The following IQSEC3 variants were observed in gnomAD, a reference collection of about 807,000 sequenced individuals.
The protein encoded by IQSEC3 is IQ motif and SEC7 domain-containing protein 3.
IQSEC3 carries 50 observed loss-of-function variants against 105.4 expected under a neutral mutation model. That is an observed-to-expected ratio of 0.47 (90% CI 0.38 to 0.60). The LOEUF is 0.60. Ranked by LOEUF, IQSEC3 falls within the 20% of genes least tolerant of loss-of-function variation. The probability of loss-of-function intolerance (pLI) is 0.00; values close to 1 mark genes in which losing one functional copy is unlikely to be tolerated. For missense variants in IQSEC3, 1,415 were observed against 1,630.0 expected (o/e 0.87, Z 2.27); for synonymous variants, 708 against 746.0 (o/e 0.95, Z 0.83).
chr12:78,585 T>C (rs1555069992), intron 1 of IQSEC3, among the ~76,000 whole-genome samples: 1 of 152,104 alleles, frequency 6.6e-6, no homozygotes, highest in African/African-American at 2.4e-5. Flanking sequence ...CGCATCACAG[T>C]CTTAGAATTC....
intron 2 of IQSEC3, among the ~76,000 whole-genome samples, chr12:107,085 G>C (rs782141114): frequency 2.0e-5 from 3 of 152,190 alleles, no homozygotes; most frequent in Non-Finnish European, 4.4e-5. Context: ...AGCTGCCTAT[G>C]AAGAAAGACT....
chr12:141,805 A>C, intron 5 of IQSEC3: 1 of 153,384 alleles, frequency 6.5e-6, no homozygotes, highest in Non-Finnish European at 1.5e-5. Context: ...CAACAAAATC[A>C]TGACCAAAGA....
chr12:165,885 T>C lies in IQSEC3; in HGVS notation c.2966T>C (p.Ile989Thr), dbSNP rs782586813. 4.3e-6 allele frequency: 7 copies of C among 1,613,904 alleles called. No homozygotes were observed. The highest frequency in any genetic ancestry group is 2.2e-5 in the East Asian group (1 of 44,890). The change falls in exon 11 of 14, where the codon ATA (isoleucine) becomes ACA (threonine). Residue 989 changes from isoleucine to threonine, a missense_variant. Ile to Thr is a moderately conservative substitution (Grantham distance 89, BLOSUM62 -1). Around this residue, in one of 6 missense-constraint regions of IQSEC3, gnomAD observed 419 missense variants for 436.2 expected, o/e 0.96. Transcript: ENST00000538872. ...GTGACGGAGCTGGAGCAGATCCGAA[T>C]AGAGTGTAAGGACACGGGCTCCCGA... ...AEVTELEQIR[I>T]EWELEKQQGT...
intron 6 of IQSEC3, among the ~76,000 whole-genome samples, 178 bp downstream of exon 6, chr12:157,325 C>T (rs904423402): frequency 3.3e-5 from 5 of 152,070 alleles, no homozygotes; most frequent in Admixed American, 1.3e-4. Context: ...GAAAAGGGAC[C>T]GACCCCTCGA....
At chr12:99,240 T>A (rs782573936) in intron 2 of IQSEC3, 26 bp downstream of exon 2, 91 of 1,590,916 alleles carry the variant, frequency 5.7e-5, no homozygotes, top group Non-Finnish European at 7.1e-5. Flanking sequence ...CTTCCTCCCT[T>A]CCGCATCCCC....
At position 138,987 on chromosome 12, in the gene IQSEC3, G is replaced by T. The variant is rs890435427; in HGVS notation, c.1624G>T (p.Ala542Ser). Residue 542 changes from alanine (A) to serine (S), a missense_variant, in exon 4 of 14, where the codon GCC becomes TCC. This residue lies in a region of IQSEC3 where 720 missense variants were observed against 633.0 expected (regional missense o/e 1.14). Transcript: ENST00000538872. The surrounding 1 kb of genome is among the most constrained non-coding windows in gnomAD (Gnocchi z 7.1). ...TGGGCGGGAGGCCCCGGAAGCCCCCGCCGTGGGCCGGGAGGACGCGTCAGC... is the reference window on the plus strand; with the variant it reads ...TGGGCGGGAGGCCCCGGAAGCCCCCTCCGTGGGCCGGGAGGACGCGTCAGC... The part of the protein sequence containing the change: ...TSGREAPEAP[A>S]VGREDASAED... 6.5e-7 allele frequency: 1 copy of T among 1,536,178 alleles called. No individual in the cohort carries two copies. Among genetic ancestry groups the T allele is most frequent in the Non-Finnish European group, 8.8e-7 (1 of 1,141,416 alleles).
intron 2 of IQSEC3, among the ~76,000 whole-genome samples, chr12:125,077 TA>T (rs781302958): frequency 1.4e-4 from 22 of 152,276 alleles, no homozygotes; most frequent in Non-Finnish European, 2.6e-4. Context: ...TTGGTCAGTC[TA>T]AAGATGAGCT....
chr12:99,945 G>T (rs554370299), intron 2 of IQSEC3, among the ~76,000 whole-genome samples: 1 of 75,952 alleles, frequency 1.3e-5, no homozygotes, highest in Non-Finnish European at 2.6e-5. Context: ...CCCGCCCCCC[G>T]ATCTGTGTTC....
chr12:124,345 C>G (rs1431086505), intron 2 of IQSEC3, among the ~76,000 whole-genome samples: 1 of 144,204 alleles, frequency 6.9e-6, no homozygotes, highest in South Asian at 2.2e-4. Context: ...GCCAAGATCT[C>G]ACCATTGCAC....
chr12:157,424 C>CCTT, intron 6 of IQSEC3, 104 bp from the exon 7 acceptor site: 1 of 1,322,800 alleles, frequency 7.6e-7, no homozygotes, highest in Non-Finnish European at 1.0e-6. Context: ...GGACCTAAAG[C>CCTT]CTTCGGAGAG....
At chr12:111,927 A>C (rs771302630) in intron 2 of IQSEC3, 2 of 152,160 alleles carry the variant, frequency 1.3e-5, no homozygotes, top group African/African-American at 2.4e-5. Flanking sequence ...GTCTTGCAAA[A>C]TCGGGTGTCT....
chr12:102,785 G>A (rs1304512655), intron 2 of IQSEC3, among the ~76,000 whole-genome samples: 1 of 152,210 alleles, frequency 6.6e-6, no homozygotes, highest in Non-Finnish European at 1.5e-5. Context: ...AAGCGTGGGT[G>A]TCTGCAAAGG....
chr12:108,710 T>A (rs1864767259), intron 2 of IQSEC3, among the ~76,000 whole-genome samples: 1 of 152,240 alleles, frequency 6.6e-6, no homozygotes, highest in Admixed American at 6.5e-5. Flanking sequence ...GCTGACCAGC[T>A]GGCCTTTCAG....
At chr12:154,232 C>T (rs146711916) in intron 5 of IQSEC3, among the ~76,000 whole-genome samples, 59 of 152,322 alleles carry the variant, frequency 3.9e-4, no homozygotes, top group Non-Finnish European at 7.6e-4. Flanking sequence ...AGTGAGTGAA[C>T]GGCTGCTTGT....
chr12:99,054 G>A (rs1190545079), intron 1 of IQSEC3, 92 bp from the exon 2 acceptor site: 6 of 1,203,708 alleles, frequency 5.0e-6, no homozygotes, highest in African/African-American at 1.5e-5. Context: ...GGTAGGAGCA[G>A]CAAGATTTCA....
chr12:177,223 AGGACAGGCAGAACCCC>A lies in IQSEC3; in HGVS notation c.*2192_*2207del. 1 of 118,462 alleles carries A rather than the reference AGGACAGGCAGAACCCC, an allele frequency of 8.4e-6. No individual in the cohort carries two copies. The highest frequency in any genetic ancestry group is 3.3e-5 in the African/African-American group (1 of 30,188). The allele number at this position is 118,462 out of a possible 1,614,324, so 7.3% of individuals were successfully genotyped here. A position where few individuals can be genotyped will look rare whatever the true frequency, so the allele number is the denominator to read the frequency against. ...CTCACACAGCTCTTCAAGCTTACCA[AGGACAGGCAGAACCCC>A]GTCCCCTGCTCACACAGCTCTTCAA... On this transcript the variant is annotated 3_prime_UTR_variant, in exon 14 of 14. Coordinates refer to ENST00000538872, the MANE Select transcript of IQSEC3 (RefSeq NM_001170738.2). This position sits in a 1 kb window ranked among gnomAD's most constrained non-coding sequence, Gnocchi z 5.3.
chr12:76,784 G>T (rs1168814400), intron 1 of IQSEC3, among the ~76,000 whole-genome samples: 1 of 152,280 alleles, frequency 6.6e-6, no homozygotes, highest in African/African-American at 2.4e-5. Context: ...CAGGTACGGG[G>T]CGGCCAGACA....
At chr12:74,737 C>A (rs1347006544) in intron 1 of IQSEC3, among the ~76,000 whole-genome samples, 5 of 152,268 alleles carry the variant, frequency 3.3e-5, no homozygotes, top group Non-Finnish European at 5.9e-5. Flanking sequence ...GGTCTCCTAG[C>A]CCCATTGGGG....
intron 5 of IQSEC3, among the ~76,000 whole-genome samples, chr12:144,953 T>C (rs1866200260): frequency 6.6e-6 from 1 of 152,206 alleles, no homozygotes; most frequent in East Asian, 1.9e-4. Flanking sequence ...CACCTCAGCC[T>C]CCTGAAGAGC....
Sources: gnomAD v4.1 joint callset for allele counts (sites outside exome capture counted in the v4.1 genomes callset) on GRCh38, gnomAD v4.1.1 for gene constraint, gnomAD v4.1.1 regional missense constraint, Gnocchi (gnomAD v3.1) non-coding constraint, MANE v1.5 for transcripts, NCBI Gene and HGNC (gene_info 2026-07-23, HGNC 2026-07-21) for gene names.